The following ARB2A variants were observed in gnomAD, a reference collection of about 807,000 sequenced individuals.
ARB2A encodes the protein ARB2 cotranscriptional regulator A, also known as cotranscriptional regulator ARB2A.
chr5:93,939,653 T>C, the ARB2A span, among the ~76,000 whole-genome samples: 2 of 152,102 alleles, frequency 1.3e-5, no homozygotes, highest in Admixed American at 1.3e-4. Context: ...TCATTTATCA[T>C]TACCACTGTA....
the ARB2A span, among the ~76,000 whole-genome samples, chr5:93,726,197 T>A: frequency 6.6e-6 from 1 of 152,064 alleles, no homozygotes; most frequent in Non-Finnish European, 1.5e-5. Flanking sequence ...GTATATTAAA[T>A]TTTTCAAGAA....
chr5:93,949,111 G>A, the ARB2A span, among the ~76,000 whole-genome samples: 3 of 152,074 alleles, frequency 2.0e-5, no homozygotes, highest in Non-Finnish European at 4.4e-5. Flanking sequence ...CCACTGTGTT[G>A]TAAGTTATCT....
the ARB2A span, among the ~76,000 whole-genome samples, chr5:93,617,897 A>G: frequency 6.6e-6 from 1 of 152,182 alleles, no homozygotes; most frequent in Non-Finnish European, 1.5e-5. Context: ...TGACTCAACT[A>G]AAGTTAGGAT....
At chr5:93,907,083 C>G in the ARB2A span, among the ~76,000 whole-genome samples, 1 of 151,390 alleles carries the variant, frequency 6.6e-6, no homozygotes, top group African/African-American at 2.4e-5. Context: ...TGGGATGCTA[C>G]TGTGTATGGT....
At chr5:93,687,593 AATATGTAC>A in the ARB2A span, among the ~76,000 whole-genome samples, 1 of 152,220 alleles carries the variant, frequency 6.6e-6, no homozygotes, top group African/African-American at 2.4e-5. Context: ...TAAAATAGGC[AATATGTAC>A]ATTTTTTTGG....
the ARB2A span, among the ~76,000 whole-genome samples, chr5:93,730,981 T>G: frequency 6.6e-6 from 1 of 152,180 alleles, no homozygotes; most frequent in Non-Finnish European, 1.5e-5. Context: ...TGGTATTATT[T>G]GAATGCAGAT....
chr5:93,847,266 T>C, the ARB2A span, among the ~76,000 whole-genome samples: 77 of 152,286 alleles, frequency 5.1e-4, no homozygotes, highest in African/African-American at 1.7e-3. Context: ...TCCACTGAAG[T>C]CTAGCAAAGC....
At chr5:93,724,324 C>T in the ARB2A span, among the ~76,000 whole-genome samples, 6 of 151,988 alleles carry the variant, frequency 3.9e-5, no homozygotes, top group Admixed American at 6.6e-5. Flanking sequence ...AAAAGACGTC[C>T]GCCAACAGAT....
At chr5:93,851,939 C>A in the ARB2A span, among the ~76,000 whole-genome samples, 1 of 152,158 alleles carries the variant, frequency 6.6e-6, no homozygotes, top group Admixed American at 6.5e-5. Flanking sequence ...TTTATAGCAG[C>A]ATGATTTATA....
the ARB2A span, among the ~76,000 whole-genome samples, chr5:93,852,751 G>C: frequency 2.6e-5 from 4 of 152,104 alleles, no homozygotes; most frequent in Non-Finnish European, 4.4e-5. Context: ...GTTTGTCAAA[G>C]ATCAGATAGT....
the ARB2A span, among the ~76,000 whole-genome samples, chr5:93,909,887 T>C: frequency 5.3e-5 from 8 of 150,984 alleles, no homozygotes; most frequent in African/African-American, 1.9e-4. Flanking sequence ...AAGATAATTA[T>C]CTATTATTAA....
chr5:94,072,528 A>G, the ARB2A span, among the ~76,000 whole-genome samples: 2 of 152,152 alleles, frequency 1.3e-5, no homozygotes, highest in East Asian at 1.9e-4. Context: ...CTCAACATTA[A>G]TGTCCAGAAT....
chr5:94,018,371 C>T, the ARB2A span, among the ~76,000 whole-genome samples: 1 of 152,170 alleles, frequency 6.6e-6, no homozygotes, highest in Non-Finnish European at 1.5e-5. Flanking sequence ...TCACAACTTA[C>T]ATTTGCTGTG....
At chr5:94,026,405 A>G in the ARB2A span, among the ~76,000 whole-genome samples, 1 of 151,976 alleles carries the variant, frequency 6.6e-6, no homozygotes, top group Admixed American at 6.6e-5. Context: ...TTGAAGGGCG[A>G]TGAGGGCAAA....
chr5:93,896,128 T>C, the ARB2A span, among the ~76,000 whole-genome samples: 7 of 152,178 alleles, frequency 4.6e-5, no homozygotes, highest in South Asian at 2.1e-4. Flanking sequence ...TTTATTTAAA[T>C]AGGTGACTAG....
At chr5:93,825,945 A>AT in the ARB2A span, among the ~76,000 whole-genome samples, 4 of 151,826 alleles carry the variant, frequency 2.6e-5, no homozygotes, top group African/African-American at 4.8e-5. Context: ...ATATATATAC[A>AT]TTTTTTCTAA....
the ARB2A span, among the ~76,000 whole-genome samples, chr5:93,832,007 T>C: frequency 6.6e-6 from 1 of 152,316 alleles, no homozygotes; most frequent in South Asian, 2.1e-4. Flanking sequence ...GGGTCTTTTA[T>C]AGGCTCAACT....
chr5:93,978,959 C>A, the ARB2A span, among the ~76,000 whole-genome samples: 1 of 151,832 alleles, frequency 6.6e-6, no homozygotes, highest in Non-Finnish European at 1.5e-5. Flanking sequence ...CAGAGTAGGG[C>A]AATTATGGTT....
At chr5:94,052,323 T>C in the ARB2A span, among the ~76,000 whole-genome samples, 83 of 152,312 alleles carry the variant, frequency 5.4e-4, no homozygotes, top group African/African-American at 1.9e-3. Context: ...ATAACTTTTA[T>C]TAAAAAGTAT....
Sources: gnomAD v4.1 joint callset for allele counts (sites outside exome capture counted in the v4.1 genomes callset) on GRCh38, gnomAD v4.1.1 for gene constraint, MANE v1.5 for transcripts, NCBI Gene and HGNC (gene_info 2026-07-23, HGNC 2026-07-21) for gene names.